Variants in TMPRSS2 observed in about 807,000 individuals in gnomAD.
The protein encoded by TMPRSS2 is transmembrane protease serine 2.
TMPRSS2 carries 59 observed loss-of-function variants against 67.4 expected under a neutral mutation model. The observed-to-expected ratio is 0.88, with a 90% confidence interval of 0.71 to 1.09. The LOEUF (loss-of-function observed/expected upper bound fraction) is 1.09, where lower values mean the gene tolerates loss of function less well. TMPRSS2 is among the 50% of genes least tolerant of loss of function. The pLI is 0.00. For missense variants in TMPRSS2, 668 were observed against 642.7 expected, an observed-to-expected ratio of 1.04 and a Z score of -0.43; for synonymous variants, 257 against 257.0, an observed-to-expected ratio of 1.00 and a Z score of 0.00.
intron 2 of TMPRSS2, among the ~76,000 whole-genome samples, chr21:41,495,459 A>G (rs1174416784): frequency 6.6e-6 from 1 of 151,960 alleles, no homozygotes; most frequent in Non-Finnish European, 1.5e-5. Flanking sequence ...CCCCATCTGT[A>G]CTAAAAATAC....
intron 5 of TMPRSS2, among the ~76,000 whole-genome samples, chr21:41,486,071 G>T (rs964535056): frequency 6.6e-6 from 1 of 152,204 alleles, no homozygotes; most frequent in Non-Finnish European, 1.5e-5. Flanking sequence ...GGTTTCTACA[G>T]AAAACTCCAG....
At chr21:41,470,841 C>G (rs1395603782) in intron 10 of TMPRSS2, 98 bp from the exon 11 acceptor site, 5 of 938,610 alleles carry the variant, frequency 5.3e-6, no homozygotes, top group Non-Finnish European at 8.1e-6. Context: ...GCACCCTGGC[C>G]ACCCTGCCCA....
intron 1 of TMPRSS2, chr21:41,507,847 T>A: frequency 7.6e-7 from 1 of 1,312,842 alleles, no homozygotes; most frequent in South Asian, 1.6e-5. Context: ...CGGCGAGGGC[T>A]CTCGGCCGTG....
rs746922475 is a variant in TMPRSS2 at position 41,471,810 on chromosome 21, G to C, written c.1071C>G (p.Phe357Leu). The change falls in exon 10 of 14, where the codon TTC becomes TTG. Residue 357 changes from phenylalanine (F) to leucine (L), a missense_variant. Transcript: ENST00000332149. Reference sequence around the variant, plus strand: ...CCAAGCCTGAGCCACACGTACCGTTGAAAGTCAGAGGCTTCTGCAGCTTCA... The same window carrying C: ...CCAAGCCTGAGCCACACGTACCGTTCAAAGTCAGAGGCTTCTGCAGCTTCA... ...ALMKLQKPLT[F>L]NDLVKPVCLP... is the part of the protein sequence containing the mutation. 1.3e-6 allele frequency: 2 copies of C among 1,597,662 alleles called. No individual in the cohort carries two copies. The highest frequency in any genetic ancestry group is 2.2e-5 in the South Asian group (2 of 90,022).
At chr21:41,507,923 C>G in intron 1 of TMPRSS2, 158 bp downstream of exon 1, 1 of 1,493,248 alleles carries the variant, frequency 6.7e-7, no homozygotes, top group Non-Finnish European at 8.9e-7. Context: ...CGGCTGGCCC[C>G]AGCGCTCGAC....
intron 6 of TMPRSS2, 120 bp from the exon 7 acceptor site, chr21:41,479,402 G>A (rs894104942): frequency 4.1e-6 from 3 of 738,372 alleles, no homozygotes; most frequent in Non-Finnish European, 4.3e-6. Context: ...TTAGCATTTA[G>A]GAAAAAAAAT....
intron 6 of TMPRSS2, among the ~76,000 whole-genome samples, chr21:41,479,596 C>A (rs1292919912): frequency 6.6e-6 from 1 of 151,392 alleles, no homozygotes; most frequent in Non-Finnish European, 1.5e-5. Flanking sequence ...CAGATGTTAA[C>A]ATGGCCCCAG....
At chr21:41,498,247 A>C (rs2091399586) in intron 1 of TMPRSS2, 58 bp from the exon 2 acceptor site, 3 of 1,189,062 alleles carry the variant, frequency 2.5e-6, no homozygotes, top group Admixed American at 2.0e-5. Flanking sequence ...TTTAGAAGAT[A>C]AATCTGGAAA....
At chr21:41,506,705 T>A (rs943208485) in intron 1 of TMPRSS2, 1 of 152,378 alleles carries the variant, frequency 6.6e-6, no homozygotes, top group African/African-American at 2.4e-5. Flanking sequence ...GCTGGCTGCA[T>A]CCCCACTTCC....
In TMPRSS2 at chr21:41,479,262, T is replaced by C. The variant is rs1283648601; in HGVS notation, c.593A>G (p.Gln198Arg). 6.2e-7 allele frequency: 1 copy of C among 1,613,710 alleles called. No individual in the cohort carries two copies. Among genetic ancestry groups the C allele is most frequent in the East Asian group, 2.2e-5 (1 of 44,878 alleles). ...MGYKNNFYSS[Q>R]GIVDDSGSTS... ...GGATCCGCTGTCATCCACTATTCCT[T>C]GGCTAGAGTAAAAATTATTCCTAAA... The change falls in exon 7 of 14, where the codon CAA becomes CGA. Residue 198 changes from glutamine (Q) to arginine (R), a missense_variant. Physicochemically the swap from Gln to Arg is conservative, Grantham distance 43. Transcript: ENST00000332149.
In TMPRSS2 at chr21:41,469,505, T is replaced by A. The variant is rs539777782; in HGVS notation, c.1172-967A>T. On this transcript the variant is annotated intron_variant, in intron 11 of 13. Transcript: ENST00000332149. Reference sequence around the variant, plus strand: ...CCATAATCCACAAGGACCTATGCAATCTGGCCCCAGCCCACCTCCTTGGCC... The same window carrying A: ...CCATAATCCACAAGGACCTATGCAAACTGGCCCCAGCCCACCTCCTTGGCC... 2.0e-5 allele frequency among the ~76,000 whole-genome samples: 3 copies of A among 152,260 alleles called. No individual in the cohort carries two copies. In the East Asian group the frequency reaches 5.8e-4, roughly 29 times the overall value.
rs2146484244 is a variant in TMPRSS2 at position 41,494,542 on chromosome 21, G to A, written c.52C>T (p.His18Tyr). 6.2e-7 allele frequency: 1 copy of A among 1,613,676 alleles called. No homozygotes were observed. The highest frequency in any genetic ancestry group is 8.5e-7 in the Non-Finnish European group (1 of 1,179,924). Residue 18 changes from histidine to tyrosine, a missense_variant, in exon 3 of 14, where the codon CAT becomes TAT. By Grantham distance (83) the His-to-Tyr change is moderately conservative (BLOSUM62 2). Coordinates refer to ENST00000332149, the MANE Select transcript of TMPRSS2 (RefSeq NM_005656.4). ...TAGGGGTTTTCCGGTTGGTATCCAT[G>A]GTTTTCATAGTAAGGTCCAATAGCT... Reference protein sequence around the residue: ...PPAIGPYYENHGYQPENPYPA... With the variant: ...PPAIGPYYENYGYQPENPYPA...
chr21:41,498,036 T>C, intron 2 of TMPRSS2, 83 bp downstream of exon 2: 1 of 1,095,888 alleles, frequency 9.1e-7, no homozygotes. Flanking sequence ...CCCTTGCAAT[T>C]GCTGACCCCA....
chr21:41,505,605 G>A (rs763990290), intron 1 of TMPRSS2, among the ~76,000 whole-genome samples: 9 of 152,176 alleles, frequency 5.9e-5, no homozygotes, highest in Non-Finnish European at 1.2e-4. Flanking sequence ...TACTGCTAGA[G>A]GGAGCAGCAC....
intron 7 of TMPRSS2, 139 bp downstream of exon 7, chr21:41,479,033 A>G: frequency 1.5e-6 from 1 of 649,986 alleles, no homozygotes; most frequent in South Asian, 1.9e-5. Context: ...GCCTGGTCAG[A>G]CTCTAATCTC....
intron 9 of TMPRSS2, among the ~76,000 whole-genome samples, chr21:41,473,062 A>G (rs1042726087): frequency 2.0e-5 from 3 of 152,168 alleles, no homozygotes; most frequent in Non-Finnish European, 2.9e-5. Context: ...AGTGGCTGGA[A>G]GGAACGCTGG....
chr21:41,472,011 G>A, intron 9 of TMPRSS2, 30 bp from the exon 10 acceptor site: 1 of 1,561,712 alleles, frequency 6.4e-7, no homozygotes, highest in Non-Finnish European at 8.7e-7. Context: ...CAGTATCTCA[G>A]AGCCATAAAC....
At chr21:41,496,535 G>A (rs2091383577) in intron 2 of TMPRSS2, among the ~76,000 whole-genome samples, 1 of 152,190 alleles carries the variant, frequency 6.6e-6, no homozygotes, top group Non-Finnish European at 1.5e-5. Context: ...CTGCCTAGAA[G>A]TAGCATTTTA....
chr21:41,480,331 T>G (rs1035659632), intron 6 of TMPRSS2, 145 bp downstream of exon 6: 9 of 1,366,788 alleles, frequency 6.6e-6, no homozygotes, highest in Non-Finnish European at 9.8e-7. Flanking sequence ...AAATTCCACC[T>G]GCTGGTTATA....
Sources: allele counts gnomAD v4.1 joint callset (sites outside exome capture counted in the v4.1 genomes callset), GRCh38; gene constraint gnomAD v4.1.1; transcripts MANE v1.5; gene names NCBI Gene and HGNC (gene_info 2026-07-23, HGNC 2026-07-21).